KCTD20: variants seen among roughly 807,000 people sequenced by gnomAD.
KCTD20 encodes potassium channel tetramerization domain containing 20.
KCTD20 carries 30 observed loss-of-function variants against 39.6 expected under a neutral mutation model. The ratio of observed to expected loss-of-function variants is 0.76; its 90% CI spans 0.57 to 1.03. The LOEUF is 1.03. KCTD20 is among the 50% of genes least tolerant of loss of function. The probability of loss-of-function intolerance (pLI) is 0.00; values close to 1 mark genes in which losing one functional copy is unlikely to be tolerated. For synonymous variants in KCTD20, 162 were observed against 180.6 expected (o/e 0.90, Z 0.83); for missense variants, 422 against 522.0 (o/e 0.81, Z 1.87).
At chr6:36,461,642 G>A (rs1411628154) in intron 1 of KCTD20, among the ~76,000 whole-genome samples, 1 of 152,118 alleles carries the variant, frequency 6.6e-6, no homozygotes, top group African/African-American at 2.4e-5. Context: ...CACAAAAGCT[G>A]TCTTTCAACG....
At chr6:36,484,578 A>C (rs1561960864) in intron 6 of KCTD20, 136 bp from the exon 7 acceptor site, 1 of 549,624 alleles carries the variant, frequency 1.8e-6, no homozygotes, top group East Asian at 2.9e-5. Flanking sequence ...GTATTATTTA[A>C]CATTTAATCT....
At chr6:36,479,844 T>G in intron 5 of KCTD20, 133 bp downstream of exon 5, 1 of 724,588 alleles carries the variant, frequency 1.4e-6, no homozygotes, top group South Asian at 1.8e-5. Context: ...GAGGCTGGAG[T>G]GCAGTGGCAC....
chr6:36,450,669 TTG>T (rs1775225438), intron 1 of KCTD20, among the ~76,000 whole-genome samples: 1 of 152,168 alleles, frequency 6.6e-6, no homozygotes, highest in Admixed American at 6.5e-5. Context: ...GTATAAATCA[TTG>T]TGTTATGTTA....
intron 5 of KCTD20, among the ~76,000 whole-genome samples, chr6:36,480,848 G>A (rs778085264): frequency 3.3e-5 from 5 of 152,286 alleles, no homozygotes; most frequent in East Asian, 1.9e-4. Flanking sequence ...CACTGCACCC[G>A]GCCTATTATT....
chr6:36,484,220 CCA>C (rs1254281039), intron 6 of KCTD20, among the ~76,000 whole-genome samples: 3 of 152,176 alleles, frequency 2.0e-5, no homozygotes. Flanking sequence ...CAGGTGTGAG[CCA>C]CCACACCCAG....
intron 1 of KCTD20, among the ~76,000 whole-genome samples, chr6:36,454,452 C>T (rs1484135465): frequency 6.6e-6 from 1 of 151,814 alleles, no homozygotes; most frequent in Non-Finnish European, 1.5e-5. Flanking sequence ...AGCAATTCTC[C>T]TGCCTCAGCC....
Position 36,474,979 on chromosome 6 carries a change from G to GA in KCTD20, c.354dup (p.Val119SerfsTer42). The GA allele has an allele frequency of 6.2e-7, 1 of 1,614,182 alleles. No individual in the cohort carries two copies. Among genetic ancestry groups the GA allele is most frequent in the Non-Finnish European group, 8.5e-7 (1 of 1,180,032 alleles). ...GTAATTCCCATTCCCAAGCACCAGAGAAAGTGACGCTTCTTGTAGATGGCA... is the reference window on the plus strand; with the variant it reads ...GTAATTCCCATTCCCAAGCACCAGAGAAAAGTGACGCTTCTTGTAGATGGCA... On this transcript the variant is annotated frameshift_variant, in exon 3 of 8. Coordinates refer to ENST00000373731, the MANE Select transcript of KCTD20 (RefSeq NM_173562.5). LOFTEE classifies it high-confidence loss of function.
chr6:36,474,981 A>G lies in KCTD20; in HGVS notation c.353A>G (p.Lys118Arg), dbSNP rs1293928695. The change falls in exon 3 of 8, where the codon AAA becomes AGA. Residue 118 changes from lysine to arginine, a missense_variant. Physicochemically the swap from Lys to Arg is conservative, Grantham distance 26. Transcript: ENST00000373731. ...GSNSHSQAPE[K>R]VTLLVDGTRF... ...AATTCCCATTCCCAAGCACCAGAGAAAGTGACGCTTCTTGTAGATGGCACA... is the reference window on the plus strand; with the variant it reads ...AATTCCCATTCCCAAGCACCAGAGAGAGTGACGCTTCTTGTAGATGGCACA... 1 of 1,614,034 alleles carries G rather than the reference A, an allele frequency of 6.2e-7. No homozygotes were observed. Among genetic ancestry groups the G allele is most frequent in the Admixed American group, 1.7e-5 (1 of 59,992 alleles).
chr6:36,452,636 G>A (rs926062346), intron 1 of KCTD20: 3 of 148,766 alleles, frequency 2.0e-5, no homozygotes, highest in South Asian at 2.1e-4. Flanking sequence ...TCCGCTTCCC[G>A]AAGCGATTCT....
chr6:36,489,148 G>C lies in KCTD20; in HGVS notation c.*1973G>C, dbSNP rs1450598885. 6.6e-6 allele frequency: 1 copy of C among 152,590 alleles called. No individual in the cohort carries two copies. The highest frequency in any genetic ancestry group is 1.5e-5 in the Non-Finnish European group (1 of 68,044). The allele number at this position is 152,590 out of a possible 1,614,324, so 9.5% of individuals were successfully genotyped here. ...AGTAGACTTCCATGCCATTACAAAG[G>C]AAATTTGAATTACCTAGTGTTTGTA... On this transcript the variant is annotated 3_prime_UTR_variant, in exon 8 of 8. Coordinates refer to ENST00000373731, the MANE Select transcript of KCTD20 (RefSeq NM_173562.5).
rs1209203385 is a variant in KCTD20 at position 36,487,685 on chromosome 6, A to G, written c.*510A>G. The G allele has an allele frequency of 2.0e-5, 3 of 153,186 alleles. No individual in the cohort carries two copies. The highest frequency in any genetic ancestry group is 6.5e-5 in the Admixed American group (1 of 15,322). 9.5% of individuals were successfully genotyped at this position (153,186 alleles called of 1,614,324 possible). A position where few individuals can be genotyped will look rare whatever the true frequency, so the allele number is the denominator to read the frequency against. ...CCATTCTTGGTGGCCTCTGCACCCA[A>G]ATTGCATCTGGAAAGAACTAGGGTC... On this transcript the variant is annotated 3_prime_UTR_variant, in exon 8 of 8. Transcript: ENST00000373731.
In KCTD20 at chr6:36,487,188, G is replaced by A. The variant is rs779422788; in HGVS notation, c.*13G>A. Reference sequence around the variant, plus strand: ...CTTTCAGGATTAGGGCCAGCTGTGGGTCTACTCCTTGTTGGAGCCCATCTC... The same window carrying A: ...CTTTCAGGATTAGGGCCAGCTGTGGATCTACTCCTTGTTGGAGCCCATCTC... On this transcript the variant is annotated 3_prime_UTR_variant, in exon 8 of 8. Coordinates refer to ENST00000373731, the MANE Select transcript of KCTD20 (RefSeq NM_173562.5). The A allele has an allele frequency of 6.2e-7, 1 of 1,602,188 alleles. No homozygotes were observed. The highest frequency in any genetic ancestry group is 8.5e-7 in the Non-Finnish European group (1 of 1,173,254).
chr6:36,452,525 T>C (rs1775284950), intron 1 of KCTD20: 1 of 150,126 alleles, frequency 6.7e-6, no homozygotes, highest in African/African-American at 2.5e-5. Flanking sequence ...ATCATTGTAG[T>C]GTGCATCTTC....
chr6:36,483,118 CAAAA>C (rs767686820), intron 6 of KCTD20, among the ~76,000 whole-genome samples: 10 of 108,284 alleles, frequency 9.2e-5, no homozygotes, highest in East Asian at 2.4e-4. Context: ...GACTCCGTTT[CAAAA>C]AAAAAAAAAA....
intron 1 of KCTD20, among the ~76,000 whole-genome samples, chr6:36,447,492 T>C (rs1032853510): frequency 1.3e-5 from 2 of 151,972 alleles, no homozygotes; most frequent in African/African-American, 2.4e-5. Flanking sequence ...TAGCTGGGCA[T>C]GTTGGCATGC....
Position 36,467,318 on chromosome 6 carries a change from A to AT in KCTD20, c.-46-2696dup, listed in dbSNP as rs775332647. ...TGAAAGACTCCGAAAATCCTTCAGG[A>AT]TTTTTTTTTTTTTTTTTTTTTTTTT... On this transcript the variant is annotated intron_variant, in intron 1 of 7. Coordinates refer to ENST00000373731, the MANE Select transcript of KCTD20 (RefSeq NM_173562.5). Among the ~76,000 whole-genome samples, 12 of 29,850 alleles carry AT rather than the reference A, an allele frequency of 4.0e-4. 1 individual carries two copies. Among genetic ancestry groups the AT allele is most frequent in the African/African-American group, 1.2e-3 (9 of 7,478 alleles). 19.6% of individuals were successfully genotyped at this position (29,850 alleles called of 152,430 possible). A position where few individuals can be genotyped will look rare whatever the true frequency, so the allele number is the denominator to read the frequency against.
At position 36,463,658 on chromosome 6, in the gene KCTD20, C is replaced by T. The variant is rs185553609; in HGVS notation, c.-46-6394C>T. ...TGAAGGAACCTAGCTAGCCCTTCTC[C>T]TTCCATCATGTGAGGACGCCTGGAT... On this transcript the variant is annotated intron_variant, in intron 1 of 7. Transcript: ENST00000373731. 5.8e-3 allele frequency among the ~76,000 whole-genome samples: 887 copies of T among 152,278 alleles called. 4 individuals are homozygous for T. Among genetic ancestry groups the T allele is most frequent in the Non-Finnish European group, 9.5e-3 (644 of 68,028 alleles).
chr6:36,484,529 C>A (rs879135738), intron 6 of KCTD20, among the ~76,000 whole-genome samples, 185 bp from the exon 7 acceptor site: 1 of 152,044 alleles, frequency 6.6e-6, no homozygotes, highest in African/African-American at 2.4e-5. Context: ...CCCAGAAAGT[C>A]CCCACCCTGA....
intron 1 of KCTD20, among the ~76,000 whole-genome samples, chr6:36,459,305 C>T (rs753878393): frequency 3.0e-4 from 46 of 151,642 alleles, no homozygotes; most frequent in Admixed American, 7.2e-4. Flanking sequence ...AGCGAGACTC[C>T]GTCTCAAAAA....
Sources: gnomAD v4.1 joint callset for allele counts (sites outside exome capture counted in the v4.1 genomes callset) on GRCh38, gnomAD v4.1.1 for gene constraint, MANE v1.5 for transcripts, NCBI Gene and HGNC (gene_info 2026-07-23, HGNC 2026-07-21) for gene names.